The following SLC14A2 variants were observed in gnomAD, a reference collection of about 807,000 sequenced individuals.
The protein encoded by SLC14A2 is urea transporter 2.
SLC14A2 carries 91 observed loss-of-function variants against 104.6 expected under a neutral mutation model. The observed-to-expected ratio is 0.87, with a 90% confidence interval of 0.73 to 1.04. The LOEUF is 1.04. Among genes scored for constraint, SLC14A2 ranks in the 50% least tolerant of loss-of-function variants. The pLI, the probability that SLC14A2 is intolerant of heterozygous loss-of-function variation, is 0.00. For missense variants in SLC14A2, 1,189 were observed against 1,156.0 expected (o/e 1.03, Z -0.41); for synonymous variants, 476 against 466.4 (o/e 1.02, Z -0.27).
At position 45,673,767 on chromosome 18, in the gene SLC14A2, G is replaced by A. The variant is rs778351352; in HGVS notation, c.2462G>A (p.Gly821Asp). The A allele has an allele frequency of 6.2e-6, 10 of 1,614,060 alleles. No homozygotes were observed. The East Asian group carries it at 1.3e-4, about 22-fold the overall frequency. ...NSTLACIAIG[G>D]MFYVITWQTH... ...ACCCTCGCATGCATAGCGATAGGAG[G>A]CATGTTCTACGTCATCACCTGGCAG... is the stretch of plus-strand genomic sequence containing the variant. The change falls in exon 18 of 20, where the codon GGC (glycine) becomes GAC (aspartate). Residue 821 changes from glycine (G) to aspartate (D), a missense_variant. Coordinates refer to ENST00000255226, the MANE Select transcript of SLC14A2 (RefSeq NM_007163.4).
At chr18:45,379,191 A>G (rs1380844069) in intron 1 of SLC14A2, among the ~76,000 whole-genome samples, 1 of 152,214 alleles carries the variant, frequency 6.6e-6, no homozygotes, top group African/African-American at 2.4e-5. Flanking sequence ...TGTCCCTCAC[A>G]AAACATCCTC....
chr18:45,643,935 CA>C (rs777492802), intron 9 of SLC14A2, 50 bp from the exon 10 acceptor site: 32 of 1,555,586 alleles, frequency 2.1e-5, no homozygotes, highest in Non-Finnish European at 2.8e-5. Flanking sequence ...GTCCCCAGCC[CA>C]ACACAGGAAA....
intron 1 of SLC14A2, among the ~76,000 whole-genome samples, chr18:45,392,092 A>G (rs1227055079): frequency 2.0e-5 from 3 of 152,190 alleles, no homozygotes; most frequent in Non-Finnish European, 2.9e-5. Context: ...TTGTCCTGGG[A>G]CACGCAGAAA....
intron 1 of SLC14A2, among the ~76,000 whole-genome samples, chr18:45,235,960 T>C (rs1397618439): frequency 3.0e-5 from 3 of 99,544 alleles, no homozygotes; most frequent in African/African-American, 1.4e-4. Flanking sequence ...TGTATATATG[T>C]ATATATACAT....
At chr18:45,226,543 A>G in intron 1 of SLC14A2, among the ~76,000 whole-genome samples, 1 of 152,038 alleles carries the variant, frequency 6.6e-6, no homozygotes. Flanking sequence ...GCTGGAAACC[A>G]TCATTCTGAG....
At chr18:45,276,777 T>A (rs961258705) in intron 1 of SLC14A2, among the ~76,000 whole-genome samples, 11 of 152,214 alleles carry the variant, frequency 7.2e-5, no homozygotes, top group Admixed American at 1.3e-4. Flanking sequence ...CAACCTCCAA[T>A]GCAAAACTGA....
chr18:45,198,103 G>T, the SLC14A2 span, among the ~76,000 whole-genome samples: 1 of 152,092 alleles, frequency 6.6e-6, no homozygotes, highest in Admixed American at 6.5e-5. Context: ...TCTTAGCCCT[G>T]GTTCTGCCTA....
chr18:45,658,886 C>G (rs947630358), intron 10 of SLC14A2, among the ~76,000 whole-genome samples: 2 of 152,138 alleles, frequency 1.3e-5, no homozygotes, highest in East Asian at 3.9e-4. Flanking sequence ...AACAAATCAT[C>G]ATGGCTCATA....
At chr18:45,668,270 A>C in intron 14 of SLC14A2, 79 bp from the exon 15 acceptor site, 1 of 1,567,632 alleles carries the variant, frequency 6.4e-7, no homozygotes. Flanking sequence ...GCCCCAGATA[A>C]AAAGAATCTG....
chr18:45,488,883 C>A (rs912308253), intron 2 of SLC14A2, among the ~76,000 whole-genome samples: 1 of 152,204 alleles, frequency 6.6e-6, no homozygotes, highest in African/African-American at 2.4e-5. Context: ...GGTGAGCCAG[C>A]ACTGCATAAG....
the SLC14A2 span, among the ~76,000 whole-genome samples, chr18:45,184,210 C>G: frequency 6.6e-6 from 1 of 152,118 alleles, no homozygotes; most frequent in Non-Finnish European, 1.5e-5. Flanking sequence ...ACTATAGTCA[C>G]ACTGCTATTG....
At chr18:45,390,302 C>A (rs1444740238) in intron 1 of SLC14A2, among the ~76,000 whole-genome samples, 1 of 152,094 alleles carries the variant, frequency 6.6e-6, no homozygotes, top group Non-Finnish European at 1.5e-5. Flanking sequence ...ATGAAGCAAC[C>A]AGTGAACAAT....
chr18:45,218,979 G>T (rs1479915149), intron 1 of SLC14A2, among the ~76,000 whole-genome samples: 1 of 151,704 alleles, frequency 6.6e-6, no homozygotes, highest in Non-Finnish European at 1.5e-5. Context: ...TTGTTATTTT[G>T]GTAATACTTT....
chr18:45,640,394 A>C (rs1355669359), intron 7 of SLC14A2, among the ~76,000 whole-genome samples: 1 of 152,162 alleles, frequency 6.6e-6, no homozygotes, highest in Non-Finnish European at 1.5e-5. Flanking sequence ...GGGAGCAGTA[A>C]CCAAGACCAA....
chr18:45,671,762 G>A (rs1355474814), intron 16 of SLC14A2, among the ~76,000 whole-genome samples: 3 of 152,194 alleles, frequency 2.0e-5, no homozygotes, highest in South Asian at 2.1e-4. Context: ...ACGCGCAGAG[G>A]GAAGAGTTCT....
chr18:45,657,519 AAAGG>A (rs5824603), intron 10 of SLC14A2, among the ~76,000 whole-genome samples: 58,183 of 143,998 alleles, frequency 0.4, 12,303 homozygotes, highest in Non-Finnish European at 0.46. Context: ...GAAAGAAAGA[AAAGG>A]AAGGAAGGAA....
intron 1 of SLC14A2, among the ~76,000 whole-genome samples, chr18:45,379,354 A>G (rs2085808723): frequency 6.6e-6 from 1 of 152,244 alleles, no homozygotes; most frequent in Admixed American, 6.5e-5. Flanking sequence ...CTCCAATGTA[A>G]CATAGTGAAA....
intron 1 of SLC14A2, among the ~76,000 whole-genome samples, chr18:45,437,088 A>G (rs1230324820): frequency 6.6e-6 from 1 of 152,236 alleles, no homozygotes; most frequent in Non-Finnish European, 1.5e-5. Flanking sequence ...ACAGGCACGT[A>G]TAGATGTACG....
At chr18:45,571,059 C>G (rs528116480) in intron 2 of SLC14A2, among the ~76,000 whole-genome samples, 1 of 152,306 alleles carries the variant, frequency 6.6e-6, no homozygotes, top group East Asian at 1.9e-4. Context: ...ACTTTAGGCT[C>G]TAACTCTAGA....
Sources: allele counts gnomAD v4.1 joint callset (sites outside exome capture counted in the v4.1 genomes callset), GRCh38; gene constraint gnomAD v4.1.1; transcripts MANE v1.5; gene names NCBI Gene and HGNC (gene_info 2026-07-23, HGNC 2026-07-21).